MITF: variants seen among roughly 807,000 people sequenced by gnomAD.
MITF encodes the protein microphthalmia-associated transcription factor.
A neutral mutation model predicts 60.5 loss-of-function variants in MITF; 17 were observed. That is an observed-to-expected ratio of 0.28 (90% CI 0.19 to 0.42). The LOEUF is 0.42. MITF is among the 10% of genes least tolerant of loss of function. The probability of loss-of-function intolerance (pLI) is 1.00; values close to 1 mark genes in which losing one functional copy is unlikely to be tolerated. For missense variants in MITF, 622 were observed against 683.5 expected, an observed-to-expected ratio of 0.91 and a Z score of 1.00; for synonymous variants, 260 against 248.5, an observed-to-expected ratio of 1.05 and a Z score of -0.43.
Position 69,964,530 on chromosome 3 carries a change from TG to T in MITF, c.1180-315del, listed in dbSNP as rs2066635148. Reference sequence around the variant, plus strand: ...AGACTTTATTTTTCAGGACAGTTTTTGGTTCACAGTAAAATTGAAATGAAGC... The same window carrying T: ...AGACTTTATTTTTCAGGACAGTTTTTGTTCACAGTAAAATTGAAATGAAGC... On this transcript the variant is annotated intron_variant, in intron 9 of 9. Transcript: ENST00000352241. Among the ~76,000 whole-genome samples the T allele has an allele frequency of 1.5e-5, 2 of 134,350 alleles. 1 individual carries two copies. The highest frequency in any genetic ancestry group is 1.5e-4 in the Admixed American group (2 of 13,280). The allele number at this position is 134,350 out of a possible 152,430, so 88.1% of individuals were successfully genotyped here. A position where few individuals can be genotyped will look rare whatever the true frequency, so the allele number is the denominator to read the frequency against.
Position 69,793,380 on chromosome 3 carries a change from T to C in MITF, c.104+53679T>C, listed in dbSNP as rs369905834. Reference sequence around the variant, plus strand: ...CATTATAGCTATCTATGCTGTATAGTGAAGGATTTCTCAAGCTCGGCATTT... The same window carrying C: ...CATTATAGCTATCTATGCTGTATAGCGAAGGATTTCTCAAGCTCGGCATTT... On this transcript the variant is annotated intron_variant, in intron 1 of 9. Coordinates refer to ENST00000352241, the MANE Select transcript of MITF (RefSeq NM_001354604.2). 3.6e-4 allele frequency among the ~76,000 whole-genome samples: 55 copies of C among 152,304 alleles called. 1 individual carries two copies. The East Asian group carries it at 0.01, about 28-fold the overall frequency.
intron 7 of MITF, among the ~76,000 whole-genome samples, chr3:69,953,329 A>G (rs1037577862): frequency 6.6e-6 from 1 of 152,102 alleles, no homozygotes; most frequent in African/African-American, 2.4e-5. Flanking sequence ...AGATACCTGT[A>G]ATTAGGCACC....
chr3:69,873,370 AT>A (rs1575855960), intron 1 of MITF, among the ~76,000 whole-genome samples: 1 of 152,338 alleles, frequency 6.6e-6, no homozygotes, highest in Non-Finnish European at 1.5e-5. Flanking sequence ...TTTAAAAAAA[AT>A]ATAGCCATTT....
At chr3:69,921,460 G>A (rs2065466346) in intron 2 of MITF, among the ~76,000 whole-genome samples, 1 of 152,104 alleles carries the variant, frequency 6.6e-6, no homozygotes. Flanking sequence ...TATAGTTTTA[G>A]GGCATAGTTT....
At position 69,813,976 on chromosome 3, in the gene MITF, A is replaced by T. The variant is rs1346719050; in HGVS notation, c.105-65158A>T. On this transcript the variant is annotated intron_variant, in intron 1 of 9. Coordinates refer to ENST00000352241, the MANE Select transcript of MITF (RefSeq NM_001354604.2). The stretch of plus-strand genomic sequence containing the variant: ...TAGATGCCTATCAACAATATGGTTC[A>T]TCATTGTTTCATATGCCCTTCAGTC... 1.3e-5 allele frequency among the ~76,000 whole-genome samples: 2 copies of T among 152,148 alleles called. 1 individual carries two copies. The highest frequency in any genetic ancestry group is 2.9e-5 in the Non-Finnish European group (2 of 68,030).
intron 2 of MITF, among the ~76,000 whole-genome samples, chr3:69,909,607 G>A (rs1355312056): frequency 2.6e-5 from 4 of 152,058 alleles, no homozygotes; most frequent in Non-Finnish European, 5.9e-5. Context: ...CCAGGCTGAG[G>A]TGGTCTCAGA....
At chr3:69,773,040 TAATTTAAAACTGAGTGG>T (rs1297573024) in intron 1 of MITF, among the ~76,000 whole-genome samples, 3 of 152,194 alleles carry the variant, frequency 2.0e-5, no homozygotes, top group Non-Finnish European at 4.4e-5. Context: ...GGGTGACTTG[TAATTTAAAACTGAGTGG>T]ACAAGGACTG....
At chr3:69,824,434 A>G (rs1222196608) in intron 1 of MITF, among the ~76,000 whole-genome samples, 5 of 152,186 alleles carry the variant, frequency 3.3e-5, no homozygotes, top group Non-Finnish European at 7.4e-5. Context: ...ATTGCCTCTC[A>G]GGTCCAAATT....
In MITF at chr3:69,951,787, C is replaced by G. The variant is rs773620071; in HGVS notation, c.881-25C>G. The G allele has an allele frequency of 1.3e-5, 20 of 1,599,734 alleles. No homozygotes were observed. The South Asian group carries it at 2.0e-4, about 16-fold the overall frequency. On this transcript the variant is annotated intron_variant, in intron 6 of 9. Coordinates refer to ENST00000352241, the MANE Select transcript of MITF (RefSeq NM_001354604.2). Reference sequence around the variant, plus strand: ...GTGCAACTTCAAACAGTTCCAACTTCTAATGACTTCATTCACGTGCACAGC... The same window carrying G: ...GTGCAACTTCAAACAGTTCCAACTTGTAATGACTTCATTCACGTGCACAGC...
chr3:69,948,189 T>C (rs1010471956), intron 5 of MITF, among the ~76,000 whole-genome samples: 1 of 152,102 alleles, frequency 6.6e-6, no homozygotes, highest in Non-Finnish European at 1.5e-5. Context: ...GATTTCTCCA[T>C]AGTTACTATT....
At chr3:69,775,369 C>G (rs556126760) in intron 1 of MITF, among the ~76,000 whole-genome samples, 31 of 152,256 alleles carry the variant, frequency 2.0e-4, no homozygotes, top group African/African-American at 7.2e-4. Flanking sequence ...ATGTCTCTGC[C>G]TGTCTCAGCT....
chr3:69,873,769 C>G lies in MITF; in HGVS notation c.105-5365C>G, dbSNP rs1002503730. Among the ~76,000 whole-genome samples, 4 of 152,290 alleles carry G rather than the reference C, an allele frequency of 2.6e-5. No homozygotes were observed. In the South Asian group the frequency reaches 8.3e-4, roughly 32 times the overall value. On this transcript the variant is annotated intron_variant, in intron 1 of 9. Transcript: ENST00000352241. ...AGGTATGGGTTCATGTTCCAGCTCTCCTACTATGCAGACAAGTGATCCTGG... is the reference window on the plus strand; with the variant it reads ...AGGTATGGGTTCATGTTCCAGCTCTGCTACTATGCAGACAAGTGATCCTGG...
intron 9 of MITF, 36 bp from the exon 10 acceptor site, chr3:69,964,811 G>C: frequency 1.2e-6 from 2 of 1,607,060 alleles, no homozygotes; most frequent in Non-Finnish European, 1.7e-6. Flanking sequence ...TCTGTGCTCT[G>C]CCTATTTCAG....
chr3:69,872,981 G>A (rs1221431630), intron 1 of MITF, among the ~76,000 whole-genome samples: 1 of 152,130 alleles, frequency 6.6e-6, no homozygotes, highest in African/African-American at 2.4e-5. Flanking sequence ...GGGGCATGAG[G>A]CTATGTTTTG....
chr3:69,951,093 CTTTTTTTT>C (rs527693480), intron 6 of MITF, among the ~76,000 whole-genome samples: 1 of 108,960 alleles, frequency 9.2e-6, no homozygotes, highest in Non-Finnish European at 1.9e-5. Context: ...AATTTGGCAG[CTTTTTTTT>C]TTTTTTTTTT....
intron 3 of MITF, 56 bp downstream of exon 3, chr3:69,938,105 G>T (rs938797947): frequency 1.3e-6 from 2 of 1,547,646 alleles, no homozygotes; most frequent in Non-Finnish European, 1.8e-6. Flanking sequence ...CTTGTCTGTT[G>T]AATATGATTC....
At chr3:69,869,459 G>A (rs1227978959) in intron 1 of MITF, among the ~76,000 whole-genome samples, 1 of 152,164 alleles carries the variant, frequency 6.6e-6, no homozygotes, top group Non-Finnish European at 1.5e-5. Flanking sequence ...ACTCAGCCAT[G>A]TTTGGAAATG....
intron 2 of MITF, among the ~76,000 whole-genome samples, chr3:69,911,562 A>G (rs1488831648): frequency 1.3e-5 from 2 of 152,240 alleles, no homozygotes; most frequent in Non-Finnish European, 2.9e-5. Flanking sequence ...TATTGATAAC[A>G]TAAATAACAA....
At chr3:69,788,366 A>G (rs2062686049) in intron 1 of MITF, among the ~76,000 whole-genome samples, 1 of 140,366 alleles carries the variant, frequency 7.1e-6, no homozygotes, top group African/African-American at 2.7e-5. Flanking sequence ...ATTCCCACCT[A>G]TGAGTGAGAA....
Sources: gnomAD v4.1 joint callset for allele counts (sites outside exome capture counted in the v4.1 genomes callset) on GRCh38, gnomAD v4.1.1 for gene constraint, MANE v1.5 for transcripts, NCBI Gene and HGNC (gene_info 2026-07-23, HGNC 2026-07-21) for gene names.